Variants in ITPR2 observed in about 807,000 individuals in gnomAD.
The protein encoded by ITPR2 is inositol 1,4,5-trisphosphate-gated calcium channel ITPR2.
A neutral mutation model predicts 317.1 loss-of-function variants in ITPR2; 207 were observed. The observed-to-expected ratio is 0.65, with a 90% CI of 0.58 to 0.73. The LOEUF is 0.73. ITPR2 is among the 30% of genes least tolerant of loss of function. ITPR2 has a pLI of 0.00. For synonymous variants in ITPR2, 1,156 were observed against 1,149.1 expected, an observed-to-expected ratio of 1.01 and a Z score of -0.12; for missense variants, 2,613 against 3,284.0, an observed-to-expected ratio of 0.80 and a Z score of 4.99.
intron 51 of ITPR2, among the ~76,000 whole-genome samples, chr12:26,412,676 G>GA (rs893686375): frequency 6.6e-6 from 1 of 151,966 alleles, no homozygotes; most frequent in African/African-American, 2.4e-5. Context: ...CTAGGAGGGG[G>GA]AAAAAAACCC....
chr12:26,811,556 G>C (rs1425377881), intron 1 of ITPR2, among the ~76,000 whole-genome samples: 1 of 151,628 alleles, frequency 6.6e-6, no homozygotes, highest in Admixed American at 6.6e-5. Context: ...CCACCCTGGC[G>C]GGCGCCTGTA....
At chr12:26,708,404 T>C (rs1300892258) in intron 9 of ITPR2, among the ~76,000 whole-genome samples, 1 of 152,216 alleles carries the variant, frequency 6.6e-6, no homozygotes, top group Non-Finnish European at 1.5e-5. Flanking sequence ...CACAGTGGAA[T>C]ATTATTCAGC....
rs71069245 is a variant in ITPR2, at chr12:26,494,771, GAAAAA to G, written c.5182+376_5182+380del. On this transcript the variant is annotated intron_variant, in intron 38 of 56. Transcript: ENST00000381340. ...GGTGACAGAGTGAGACTCTGCCTCA[GAAAAA>G]AAAAAAAAAAAAAAAAAAAGCTTGA... Among the ~76,000 whole-genome samples, 11 of 50,356 alleles carry G rather than the reference GAAAAA, an allele frequency of 2.2e-4. No homozygotes were observed. In the South Asian group the frequency reaches 7.0e-3, roughly 32 times the overall value. The allele number at this position is 50,356 out of a possible 152,430, so 33.0% of individuals were successfully genotyped here.
chr12:26,519,173 C>A (rs1943602687), intron 37 of ITPR2, among the ~76,000 whole-genome samples: 1 of 152,134 alleles, frequency 6.6e-6, no homozygotes, highest in African/African-American at 2.4e-5. Context: ...CTTCCAAATT[C>A]TTCCTATGAA....
At chr12:26,686,344 T>C (rs1277384909) in intron 11 of ITPR2, 137 bp downstream of exon 11, 21 of 500,534 alleles carry the variant, frequency 4.2e-5, no homozygotes, top group Non-Finnish European at 6.2e-5. Context: ...ACAGAAGAGA[T>C]ACAATGTTTT....
In ITPR2 at chr12:26,335,589, T is replaced by C. The variant is rs565495577; in HGVS notation, c.*3808A>G. On this transcript the variant is annotated 3_prime_UTR_variant, in exon 57 of 57. Coordinates refer to ENST00000381340, the MANE Select transcript of ITPR2 (RefSeq NM_002223.4). ...GCTTTCTCGATTTTCACATGCACGT[T>C]AGGCTATCTGGTTTTGATAGTGCGT... Among the ~76,000 whole-genome samples, 1 of 152,358 alleles carries C rather than the reference T, an allele frequency of 6.6e-6. No individual in the cohort carries two copies. Among genetic ancestry groups the C allele is most frequent in the East Asian group, 1.9e-4 (1 of 5,192 alleles).
intron 13 of ITPR2, among the ~76,000 whole-genome samples, chr12:26,671,858 T>TA (rs1947780540): frequency 1.3e-5 from 2 of 152,126 alleles, no homozygotes. Flanking sequence ...GAGGAAGATC[T>TA]ACCAAGCAAA....
intron 1 of ITPR2, among the ~76,000 whole-genome samples, chr12:26,824,319 G>A (rs1950981602): frequency 6.6e-6 from 1 of 152,116 alleles, no homozygotes; most frequent in Non-Finnish European, 1.5e-5. Context: ...TTGAAAAATT[G>A]TAAATCAAAC....
intron 34 of ITPR2, among the ~76,000 whole-genome samples, chr12:26,573,212 T>A (rs932220487): frequency 6.6e-6 from 1 of 152,056 alleles, no homozygotes; most frequent in African/African-American, 2.4e-5. Context: ...CCTCCCAAAG[T>A]GCTGGGATTG....
chr12:26,711,597 T>A (rs1450583934), intron 8 of ITPR2, among the ~76,000 whole-genome samples: 1 of 152,176 alleles, frequency 6.6e-6, no homozygotes, highest in Non-Finnish European at 1.5e-5. Context: ...GCAGCTTGCA[T>A]TAAGAGCCCA....
At chr12:26,823,155 T>C (rs1444178550) in intron 1 of ITPR2, among the ~76,000 whole-genome samples, 1 of 152,164 alleles carries the variant, frequency 6.6e-6, no homozygotes, top group Non-Finnish European at 1.5e-5. Flanking sequence ...TAATCATCTT[T>C]TGGGCACTTG....
At chr12:26,639,081 A>G (rs1193753472) in intron 21 of ITPR2, among the ~76,000 whole-genome samples, 1 of 152,174 alleles carries the variant, frequency 6.6e-6, no homozygotes, top group Non-Finnish European at 1.5e-5. Context: ...GATAAATTAG[A>G]TTGAGTCATA....
intron 1 of ITPR2, among the ~76,000 whole-genome samples, chr12:26,795,729 A>G (rs1950424433): frequency 6.6e-6 from 1 of 152,218 alleles, no homozygotes. Context: ...CAGGCCTGCA[A>G]TCCCAGCACT....
intron 21 of ITPR2, among the ~76,000 whole-genome samples, chr12:26,652,147 C>T (rs1947270622): frequency 6.6e-6 from 1 of 152,194 alleles, no homozygotes; most frequent in Non-Finnish European, 1.5e-5. Context: ...GATCCCTTTT[C>T]TCTTCCCCAG....
intron 8 of ITPR2, among the ~76,000 whole-genome samples, chr12:26,713,830 T>A (rs112566555): frequency 6.6e-6 from 1 of 152,210 alleles, no homozygotes; most frequent in Admixed American, 6.5e-5. Context: ...GGTGTGAAAA[T>A]GCATGCTTTA....
intron 34 of ITPR2, among the ~76,000 whole-genome samples, chr12:26,568,057 G>A: frequency 7.2e-6 from 1 of 139,328 alleles, no homozygotes; most frequent in Non-Finnish European, 1.5e-5. Flanking sequence ...GAACTAGAAT[G>A]TATTCTTGGG....
intron 47 of ITPR2, among the ~76,000 whole-genome samples, chr12:26,438,835 CAACATTTG>C (rs1246071332): frequency 6.6e-6 from 1 of 152,110 alleles, no homozygotes; most frequent in African/African-American, 2.4e-5. Context: ...TGTGGCTGTT[CAACATTTG>C]AAATGTACAG....
At chr12:26,430,737 T>C (rs1220889658) in intron 48 of ITPR2, among the ~76,000 whole-genome samples, 1 of 152,254 alleles carries the variant, frequency 6.6e-6, no homozygotes, top group Non-Finnish European at 1.5e-5. Context: ...TTAGAAAGTA[T>C]GAAGTTTATC....
rs148372014 is a variant in ITPR2, at chr12:26,443,734, A to T, written c.6343-84T>A. On this transcript the variant is annotated intron_variant, in intron 45 of 56. Coordinates refer to ENST00000381340, the MANE Select transcript of ITPR2 (RefSeq NM_002223.4). ...CTTTGCAATATCTTTGTCTACTTGT[A>T]CACATAGCTTCAGAGTCCTAGGGTT... The T allele has an allele frequency of 6.0e-4, 579 of 963,170 alleles. 5 individuals are homozygous for T. The African/African-American group carries it at 8.6e-3, about 14-fold the overall frequency. The allele number at this position is 963,170 out of a possible 1,614,324, so 59.7% of individuals were successfully genotyped here.
Sources: gnomAD v4.1 joint callset for allele counts (sites outside exome capture counted in the v4.1 genomes callset) on GRCh38, gnomAD v4.1.1 for gene constraint, MANE v1.5 for transcripts, NCBI Gene and HGNC (gene_info 2026-07-23, HGNC 2026-07-21) for gene names.